WRN: variants seen among roughly 807,000 people sequenced by gnomAD.
WRN encodes the protein WRN RecQ like helicase, also known as bifunctional 3'-5' exonuclease/ATP-dependent helicase WRN.
In WRN, 149 loss-of-function variants were observed where a neutral mutation model predicts 180.7. The observed-to-expected ratio is 0.82, with a 90% CI of 0.72 to 0.94. The LOEUF (loss-of-function observed/expected upper bound fraction) is 0.94, where lower values mean the gene tolerates loss of function less well. Ranked by LOEUF, WRN falls within the 40% of genes least tolerant of loss-of-function variation. The pLI is 0.00. For missense variants in WRN, 1,661 were observed against 1,700.1 expected, an observed-to-expected ratio of 0.98 and a Z score of 0.40; for synonymous variants, 548 against 568.9, an observed-to-expected ratio of 0.96 and a Z score of 0.52.
rs1292965793 is a variant in WRN, at chr8:31,034,408, A to G, written c.-77+435A>G. Reference sequence around the variant, plus strand: ...ATGGATTTTCTTTTCTTTTTTTCCTAGTTGAATCTCAGTTGTTCTCAGGCT... The same window carrying G: ...ATGGATTTTCTTTTCTTTTTTTCCTGGTTGAATCTCAGTTGTTCTCAGGCT... On this transcript the variant is annotated intron_variant, in intron 1 of 34. Coordinates refer to ENST00000298139, the MANE Select transcript of WRN (RefSeq NM_000553.6). 3.3e-5 allele frequency among the ~76,000 whole-genome samples: 5 copies of G among 152,180 alleles called. No homozygotes were observed. In the East Asian group the frequency reaches 9.7e-4, roughly 29 times the overall value.
chr8:31,046,512 T>C (rs1259318014), intron 1 of WRN, among the ~76,000 whole-genome samples: 2 of 152,222 alleles, frequency 1.3e-5, no homozygotes, highest in Non-Finnish European at 2.9e-5. Flanking sequence ...AAAAATGACC[T>C]TCCCTCCTGA....
At chr8:31,047,951 A>G (rs571688233) in intron 1 of WRN, among the ~76,000 whole-genome samples, 1 of 152,326 alleles carries the variant, frequency 6.6e-6, no homozygotes, top group Non-Finnish European at 1.5e-5. Flanking sequence ...GCTTCTCACT[A>G]TGACACAGCA....
intron 33 of WRN, among the ~76,000 whole-genome samples, chr8:31,166,803 C>T (rs1156684411): frequency 6.6e-6 from 1 of 152,088 alleles, no homozygotes; most frequent in Non-Finnish European, 1.5e-5. Context: ...TAGTACTGAC[C>T]TGACTTTGGA....
intron 1 of WRN, among the ~76,000 whole-genome samples, chr8:31,050,623 T>G (rs1812046609): frequency 6.6e-6 from 1 of 151,766 alleles, no homozygotes; most frequent in Non-Finnish European, 1.5e-5. Flanking sequence ...TTTTCAACAC[T>G]AGAGCAGTCT....
chr8:31,061,735 T>G (rs1812491767), intron 3 of WRN, among the ~76,000 whole-genome samples: 1 of 152,186 alleles, frequency 6.6e-6, no homozygotes, highest in South Asian at 2.1e-4. Flanking sequence ...GATGTGACCC[T>G]TCTGGAGTCT....
intron 21 of WRN, among the ~76,000 whole-genome samples, chr8:31,122,373 C>T (rs1314179567): frequency 6.6e-6 from 1 of 152,024 alleles, no homozygotes; most frequent in Non-Finnish European, 1.5e-5. Context: ...CAGTTACTCA[C>T]AAAATTTTTA....
chr8:31,100,795 A>G, intron 17 of WRN, 54 bp from the exon 18 acceptor site: 3 of 1,480,510 alleles, frequency 2.0e-6, no homozygotes, highest in South Asian at 1.2e-5. Flanking sequence ...AGATGAGTTT[A>G]TTTTTTCCTT....
At chr8:31,127,295 G>A (rs1031875522) in intron 23 of WRN, among the ~76,000 whole-genome samples, 2 of 152,148 alleles carry the variant, frequency 1.3e-5, no homozygotes, top group African/African-American at 4.8e-5. Flanking sequence ...GATAGTACAA[G>A]GCAGTATTTT....
chr8:31,141,620 GC>G lies in WRN; in HGVS notation c.3138+22del, dbSNP rs1802639310. On this transcript the variant is annotated intron_variant, in intron 25 of 34. Transcript: ENST00000298139. ...AAAAAGGTAAACGGTGTAGGAGTCT[GC>G]CTGTTTGACTTAATTTTGTTTCCCA... 1 of 1,614,038 alleles carries G rather than the reference GC, an allele frequency of 6.2e-7. No homozygotes were observed. The highest frequency in any genetic ancestry group is 2.2e-5 in the East Asian group (1 of 44,862).
At chr8:31,105,920 T>C (rs2130256171) in intron 18 of WRN, among the ~76,000 whole-genome samples, 1 of 152,324 alleles carries the variant, frequency 6.6e-6, no homozygotes, top group Admixed American at 6.5e-5. Flanking sequence ...AGAATATATG[T>C]ACATATATAT....
At chr8:31,160,815 C>G (rs1186681759) in intron 33 of WRN, among the ~76,000 whole-genome samples, 1 of 151,940 alleles carries the variant, frequency 6.6e-6, no homozygotes, top group Non-Finnish European at 1.5e-5. Context: ...GAAACCCCGT[C>G]TCTACTAAAA....
intron 23 of WRN, among the ~76,000 whole-genome samples, chr8:31,131,160 C>CTTT (rs71206302): frequency 2.4e-4 from 26 of 106,840 alleles, no homozygotes; most frequent in Middle Eastern, 6.5e-3. Flanking sequence ...TTGCAACTTT[C>CTTT]TTTTTTTTTG....
intron 1 of WRN, among the ~76,000 whole-genome samples, chr8:31,054,225 C>G (rs377143924): frequency 9.2e-5 from 14 of 151,640 alleles, no homozygotes; most frequent in African/African-American, 3.1e-4. Context: ...ATAATTTCAT[C>G]AAGTCAGAAA....
At chr8:31,102,614 C>T (rs62506088) in intron 18 of WRN, among the ~76,000 whole-genome samples, 4,785 of 152,178 alleles carry the variant, frequency 0.031, 105 homozygotes, top group Middle Eastern at 0.058. Flanking sequence ...AGAAAAGACA[C>T]AGTAAAAATA....
At chr8:31,089,012 TA>T in intron 13 of WRN, 47 bp downstream of exon 13, 2 of 1,549,098 alleles carry the variant, frequency 1.3e-6, no homozygotes, top group Non-Finnish European at 1.8e-6. Context: ...GTATTCTCTT[TA>T]AAACAAGGGA....
intron 18 of WRN, among the ~76,000 whole-genome samples, chr8:31,109,904 A>G (rs1454801368): frequency 6.6e-6 from 1 of 152,110 alleles, no homozygotes; most frequent in African/African-American, 2.4e-5. Context: ...TAACTTCTTA[A>G]ATATATGTCA....
chr8:31,085,631 G>A (rs774206746), intron 11 of WRN, among the ~76,000 whole-genome samples: 1 of 151,732 alleles, frequency 6.6e-6, no homozygotes, highest in Non-Finnish European at 1.5e-5. Context: ...CACCATACCC[G>A]GCTTATTTTT....
intron 7 of WRN, among the ~76,000 whole-genome samples, chr8:31,070,586 A>C (rs1019959746): frequency 5.3e-5 from 8 of 152,156 alleles, no homozygotes; most frequent in African/African-American, 7.2e-5. Context: ...TTGGGGATAT[A>C]GATGAGTGAA....
intron 8 of WRN, among the ~76,000 whole-genome samples, chr8:31,077,489 G>A (rs1228023270): frequency 1.3e-5 from 2 of 152,192 alleles, no homozygotes; most frequent in East Asian, 1.9e-4. Flanking sequence ...TGATCTGCCC[G>A]CCTCAGCCTC....
Sources: gnomAD v4.1 joint callset for allele counts (sites outside exome capture counted in the v4.1 genomes callset) on GRCh38, gnomAD v4.1.1 for gene constraint, MANE v1.5 for transcripts, NCBI Gene and HGNC (gene_info 2026-07-23, HGNC 2026-07-21) for gene names.